SUPT3H: variants seen among roughly 807,000 people sequenced by gnomAD.
SUPT3H encodes SPT3 homolog, SAGA and STAGA complex component, also known as transcription initiation protein SPT3 homolog.
SUPT3H carries 44 observed loss-of-function variants against 44.3 expected under a neutral mutation model. That is an observed-to-expected ratio of 0.99 (90% CI 0.78 to 1.28). The LOEUF is 1.28. Ranked by LOEUF, SUPT3H falls within the 50% of genes most tolerant of loss-of-function variation. The pLI is 0.00. For missense variants in SUPT3H, 380 were observed against 387.1 expected (o/e 0.98, Z 0.15); for synonymous variants, 124 against 125.6 (o/e 0.99, Z 0.09).
At chr6:44,870,299 A>C (rs1207103268) in intron 10 of SUPT3H, among the ~76,000 whole-genome samples, 1 of 152,206 alleles carries the variant, frequency 6.6e-6, no homozygotes, top group Admixed American at 6.5e-5. Flanking sequence ...TAGTATGCTT[A>C]AGATTTGTGT....
chr6:45,339,642 T>C (rs74773773), intron 2 of SUPT3H, among the ~76,000 whole-genome samples: 4,480 of 152,230 alleles, frequency 0.029, 91 homozygotes, highest in Non-Finnish European at 0.047. Flanking sequence ...AAGATGACTA[T>C]AGCCAAAAAC....
At chr6:44,812,239 T>C (rs200894754) in intron 11 of SUPT3H, among the ~76,000 whole-genome samples, 1 of 152,196 alleles carries the variant, frequency 6.6e-6, no homozygotes, top group Non-Finnish European at 1.5e-5. Flanking sequence ...CTGGAGGCTA[T>C]AGGGAAGAAT....
chr6:45,195,626 G>T (rs941479743), intron 2 of SUPT3H, among the ~76,000 whole-genome samples: 3 of 152,176 alleles, frequency 2.0e-5, no homozygotes, highest in Admixed American at 6.6e-5. Context: ...TGATATGATC[G>T]ATTTGTTTTT....
chr6:45,142,507 T>G (rs1302710732), intron 2 of SUPT3H, among the ~76,000 whole-genome samples: 3 of 151,592 alleles, frequency 2.0e-5, no homozygotes, highest in African/African-American at 7.3e-5. Flanking sequence ...GAGGCTGAGG[T>G]GGGCAGATCA....
intron 10 of SUPT3H, among the ~76,000 whole-genome samples, chr6:44,837,872 T>C (rs1770208074): frequency 1.3e-5 from 2 of 152,190 alleles, no homozygotes; most frequent in South Asian, 2.1e-4. Flanking sequence ...TGTTACTCAA[T>C]TGCATTTTCA....
chr6:45,069,977 C>T (rs1420584097), intron 3 of SUPT3H, among the ~76,000 whole-genome samples: 1 of 152,120 alleles, frequency 6.6e-6, no homozygotes, highest in Non-Finnish European at 1.5e-5. Flanking sequence ...CATCTCTGCT[C>T]ACTTCAGCAA....
chr6:45,270,722 T>C (rs1253954583), intron 2 of SUPT3H, among the ~76,000 whole-genome samples: 6 of 152,216 alleles, frequency 3.9e-5, no homozygotes, highest in African/African-American at 1.4e-4. Flanking sequence ...AAAAGATACC[T>C]GAAAATGTGA....
At chr6:44,954,354 T>A (rs1774784712) in intron 8 of SUPT3H, 141 bp downstream of exon 8, 1 of 707,774 alleles carries the variant, frequency 1.4e-6, no homozygotes, top group African/African-American at 1.8e-5. Context: ...AACTAAATTT[T>A]AGAAAATGAT....
At position 45,326,585 on chromosome 6, in the gene SUPT3H, T is replaced by TA. The variant is rs1786382974; in HGVS notation, c.101+38615dup. Among the ~76,000 whole-genome samples, 3 of 151,970 alleles carry TA rather than the reference T, an allele frequency of 2.0e-5. No homozygotes were observed. The South Asian group carries it at 6.2e-4, about 31-fold the overall frequency. On this transcript the variant is annotated intron_variant, in intron 2 of 10. Transcript: ENST00000371459. Reference sequence around the variant, plus strand: ...ACACCAAAATGTATTTCTGGTTTTTTATCACTAAAAGTTTATTCTGAAAAG... The same window carrying TA: ...ACACCAAAATGTATTTCTGGTTTTTTAATCACTAAAAGTTTATTCTGAAAAG...
chr6:44,952,415 C>T (rs1202404733), intron 9 of SUPT3H, among the ~76,000 whole-genome samples: 1 of 152,188 alleles, frequency 6.6e-6, no homozygotes, highest in Non-Finnish European at 1.5e-5. Flanking sequence ...ATGATTTGAA[C>T]CACTATCCTT....
At position 45,133,071 on chromosome 6, in the gene SUPT3H, C is replaced by T. The variant is rs199706521; in HGVS notation, c.102-27065G>A. On this transcript the variant is annotated intron_variant, in intron 2 of 10. Transcript: ENST00000371459. ...GTAATCTTTTAAGAGTAAACATACA[C>T]ACAGACAAAATTAACAGTTATGACC... 1.1e-4 allele frequency among the ~76,000 whole-genome samples: 17 copies of T among 152,266 alleles called. No individual in the cohort carries two copies. The East Asian group carries it at 3.3e-3, about 29-fold the overall frequency.
At chr6:45,299,369 T>A (rs553051969) in intron 2 of SUPT3H, among the ~76,000 whole-genome samples, 1 of 150,744 alleles carries the variant, frequency 6.6e-6, no homozygotes, top group East Asian at 1.9e-4. Flanking sequence ...GAAGTAATGA[T>A]CTTAAACTGA....
At chr6:45,300,379 T>A (rs1781959060) in intron 2 of SUPT3H, among the ~76,000 whole-genome samples, 1 of 152,164 alleles carries the variant, frequency 6.6e-6, no homozygotes, top group African/African-American at 2.4e-5. Context: ...AAGAAGAGTA[T>A]CCACAGCCAC....
chr6:44,816,880 C>G (rs1357236473), intron 11 of SUPT3H, among the ~76,000 whole-genome samples: 1 of 147,940 alleles, frequency 6.8e-6, no homozygotes, highest in African/African-American at 2.5e-5. Context: ...AAGCAAGACC[C>G]TGTCACTACA....
chr6:45,018,138 C>T (rs1365888925), intron 4 of SUPT3H, among the ~76,000 whole-genome samples: 1 of 151,798 alleles, frequency 6.6e-6, no homozygotes, highest in Non-Finnish European at 1.5e-5. Flanking sequence ...CATGAGTTGG[C>T]TCTCTGTTTG....
intron 2 of SUPT3H, among the ~76,000 whole-genome samples, chr6:45,173,664 G>A (rs1480318640): frequency 6.6e-6 from 1 of 152,194 alleles, no homozygotes; most frequent in Non-Finnish European, 1.5e-5. Flanking sequence ...ACCATACTCT[G>A]TCAACTGAGA....
chr6:45,089,481 C>T (rs763020271), intron 3 of SUPT3H, among the ~76,000 whole-genome samples: 4 of 151,954 alleles, frequency 2.6e-5, no homozygotes, highest in Non-Finnish European at 5.9e-5. Context: ...TCTTCTTCTG[C>T]GTCTCTCATC....
At chr6:45,214,379 G>T (rs972263299) in intron 2 of SUPT3H, among the ~76,000 whole-genome samples, 1 of 151,732 alleles carries the variant, frequency 6.6e-6, no homozygotes, top group African/African-American at 2.4e-5. Context: ...AGAAAATCAG[G>T]ATTACTTGGA....
intron 2 of SUPT3H, among the ~76,000 whole-genome samples, chr6:45,316,217 G>A (rs1026586297): frequency 3.9e-5 from 6 of 152,004 alleles, no homozygotes; most frequent in African/African-American, 1.2e-4. Flanking sequence ...AACAAATATG[G>A]TGCAGTGTAT....
Sources: allele counts gnomAD v4.1 joint callset (sites outside exome capture counted in the v4.1 genomes callset), GRCh38; gene constraint gnomAD v4.1.1; transcripts MANE v1.5; gene names NCBI Gene and HGNC (gene_info 2026-07-23, HGNC 2026-07-21).